Variants in LRRIQ3 observed in about 807,000 individuals in gnomAD.
LRRIQ3 encodes leucine-rich repeat and IQ domain-containing protein 3.
In LRRIQ3, 75 loss-of-function variants were observed where a neutral mutation model predicts 59.3. The ratio of observed to expected loss-of-function variants is 1.26; its 90% CI spans 1.05 to 1.53. The LOEUF (loss-of-function observed/expected upper bound fraction) is 1.53, where lower values mean the gene tolerates loss of function less well. LRRIQ3 is among the 40% of genes most tolerant of loss of function. LRRIQ3 has a pLI of 0.00. For synonymous variants in LRRIQ3, 250 were observed against 231.3 expected, an observed-to-expected ratio of 1.08 and a Z score of -0.73; for missense variants, 831 against 710.0, an observed-to-expected ratio of 1.17 and a Z score of -1.94.
At chr1:74,030,250 GA>G (rs942895748) in intron 7 of LRRIQ3, among the ~76,000 whole-genome samples, 59 of 151,110 alleles carry the variant, frequency 3.9e-4, no homozygotes, top group African/African-American at 1.3e-3. Context: ...GACTTTCTTG[GA>G]AAAAACTACT....
intron 5 of LRRIQ3, among the ~76,000 whole-genome samples, chr1:74,077,609 C>T (rs1044275740): frequency 6.6e-6 from 1 of 151,898 alleles, no homozygotes; most frequent in African/African-American, 2.4e-5. Flanking sequence ...CCTAATTATC[C>T]TTTTTCATGT....
In LRRIQ3 at chr1:74,026,759, C is replaced by T; in HGVS notation, c.*54G>A. On this transcript the variant is annotated 3_prime_UTR_variant, in exon 8 of 8. Coordinates refer to ENST00000354431, the MANE Select transcript of LRRIQ3 (RefSeq NM_001105659.2). ...AGAGTATTATTTCAAATTCCTTCAA[C>T]TAAAAATAATGACTATAATTTAAGA... The T allele has an allele frequency of 4.9e-6, 7 of 1,435,776 alleles. No individual in the cohort carries two copies. In the Middle Eastern group the frequency reaches 7.9e-4, roughly 161 times the overall value. 88.9% of individuals were successfully genotyped at this position (1,435,776 alleles called of 1,614,324 possible). A position where few individuals can be genotyped will look rare whatever the true frequency, so the allele number is the denominator to read the frequency against.
intron 3 of LRRIQ3, among the ~76,000 whole-genome samples, chr1:74,170,603 C>T (rs1348023956): frequency 4.6e-5 from 7 of 152,020 alleles, no homozygotes; most frequent in Non-Finnish European, 8.8e-5. Flanking sequence ...AAGTGTGATG[C>T]CTCCAGCTTT....
At chr1:74,046,263 T>C (rs1654200843) in intron 6 of LRRIQ3, among the ~76,000 whole-genome samples, 1 of 152,114 alleles carries the variant, frequency 6.6e-6, no homozygotes, top group Non-Finnish European at 1.5e-5. Context: ...AACAGATATA[T>C]AGACCAATGG....
At chr1:74,058,626 A>C (rs977008017) in intron 6 of LRRIQ3, among the ~76,000 whole-genome samples, 2 of 152,036 alleles carry the variant, frequency 1.3e-5, no homozygotes, top group East Asian at 3.9e-4. Context: ...AGATAGGAGG[A>C]ATAGGTAAGT....
intron 4 of LRRIQ3, among the ~76,000 whole-genome samples, chr1:74,109,906 G>A (rs113502727): frequency 5.9e-5 from 9 of 151,588 alleles, no homozygotes; most frequent in African/African-American, 2.2e-4. Flanking sequence ...CAAACCTAGT[G>A]AAGAAGGAAC....
intron 6 of LRRIQ3, among the ~76,000 whole-genome samples, chr1:74,043,057 T>G (rs1391733264): frequency 6.6e-6 from 1 of 152,106 alleles, no homozygotes; most frequent in Non-Finnish European, 1.5e-5. Context: ...AATATGCATT[T>G]CTGGGTCTAT....
chr1:74,139,103 T>TAC (rs1328363651), intron 4 of LRRIQ3, among the ~76,000 whole-genome samples: 1 of 137,258 alleles, frequency 7.3e-6, no homozygotes, highest in Non-Finnish European at 1.6e-5. Context: ...TGTATATATA[T>TAC]ATACATATAT....
chr1:74,041,832 T>A lies in LRRIQ3; in HGVS notation c.1099A>T (p.Asn367Tyr), dbSNP rs769394699. Reference sequence around the variant, plus strand: ...TGTTTTTTCTCTCTCAATACTGCATTATTCTTCAATGAACCTGAAGTGTAT... The same window carrying A: ...TGTTTTTTCTCTCTCAATACTGCATAATTCTTCAATGAACCTGAAGTGTAT... Reference protein sequence around the residue: ...PIYTSGSLKNNAVLREKKQHF... With the variant: ...PIYTSGSLKNYAVLREKKQHF... The change falls in exon 7 of 8, where the codon AAT becomes TAT. Residue 367 changes from asparagine (N) to tyrosine (Y), a missense_variant. Transcript: ENST00000354431. 4.3e-6 allele frequency: 7 copies of A among 1,613,424 alleles called. No individual in the cohort carries two copies. In the Admixed American group the frequency reaches 1.2e-4, roughly 27 times the overall value.
At chr1:74,164,435 G>A (rs892406077) in intron 3 of LRRIQ3, among the ~76,000 whole-genome samples, 3 of 151,472 alleles carry the variant, frequency 2.0e-5, no homozygotes, top group Non-Finnish European at 4.4e-5. Context: ...ACAAGCCAAT[G>A]AGAGAGTCTT....
chr1:74,146,958 C>T (rs201058119), intron 4 of LRRIQ3, among the ~76,000 whole-genome samples: 19 of 152,270 alleles, frequency 1.2e-4, no homozygotes, highest in Middle Eastern at 3.4e-3. Context: ...TCAGCCAAGG[C>T]GGCTCATACT....
intron 5 of LRRIQ3, chr1:74,082,549 T>C (rs1414505517): frequency 6.6e-6 from 1 of 151,538 alleles, no homozygotes; most frequent in African/African-American, 2.4e-5. Context: ...ATTTGAACAA[T>C]GTCTATATTT....
intron 6 of LRRIQ3, among the ~76,000 whole-genome samples, chr1:74,071,191 G>C (rs980932644): frequency 3.3e-5 from 5 of 151,444 alleles, no homozygotes; most frequent in Non-Finnish European, 5.9e-5. Flanking sequence ...TAATCTTTTA[G>C]AGACAGGGTC....
At chr1:74,191,222 AAAAG>A (rs1221690245) in intron 1 of LRRIQ3, among the ~76,000 whole-genome samples, 1 of 152,154 alleles carries the variant, frequency 6.6e-6, no homozygotes. Context: ...TTAAAAGTGA[AAAAG>A]AAATAAATTC....
chr1:74,195,131 AT>A (rs747238568), intron 1 of LRRIQ3, among the ~76,000 whole-genome samples: 16 of 152,206 alleles, frequency 1.1e-4, no homozygotes, highest in Admixed American at 7.2e-4. Context: ...GAGAAAAAAA[AT>A]ATTTAAGAAA....
At chr1:74,081,119 T>C (rs1446434631) in intron 5 of LRRIQ3, among the ~76,000 whole-genome samples, 1 of 151,546 alleles carries the variant, frequency 6.6e-6, no homozygotes, top group African/African-American at 2.4e-5. Flanking sequence ...CAATCTTACT[T>C]TATCTTAAGA....
intron 5 of LRRIQ3, among the ~76,000 whole-genome samples, chr1:74,103,961 T>C (rs1409751951): frequency 6.6e-6 from 1 of 152,014 alleles, no homozygotes; most frequent in African/African-American, 2.4e-5. Flanking sequence ...AATGCACTCC[T>C]GTGCTACGCA....
intron 6 of LRRIQ3, among the ~76,000 whole-genome samples, chr1:74,054,208 C>A (rs1654453626): frequency 6.6e-6 from 1 of 151,506 alleles, no homozygotes; most frequent in African/African-American, 2.4e-5. Context: ...AAGACTTGTG[C>A]TATCAAGCCA....
chr1:74,121,094 AC>A (rs1557625188), intron 4 of LRRIQ3, among the ~76,000 whole-genome samples: 1 of 152,160 alleles, frequency 6.6e-6, no homozygotes, highest in African/African-American at 2.4e-5. Context: ...AATAATTTAA[AC>A]AATATTATAG....
Sources: gnomAD v4.1 joint callset for allele counts (sites outside exome capture counted in the v4.1 genomes callset) on GRCh38, gnomAD v4.1.1 for gene constraint, MANE v1.5 for transcripts, NCBI Gene and HGNC (gene_info 2026-07-23, HGNC 2026-07-21) for gene names.